The following PPP2R3A variants were observed in gnomAD, a reference collection of about 807,000 sequenced individuals.
PPP2R3A encodes the protein protein phosphatase 2 regulatory subunit B''alpha.
PPP2R3A carries 80 observed loss-of-function variants against 106.9 expected under a neutral mutation model. The observed-to-expected ratio is 0.75, with a 90% CI of 0.62 to 0.90. The LOEUF is 0.90. Among genes scored for constraint, PPP2R3A ranks in the 40% least tolerant of loss-of-function variants. The probability of loss-of-function intolerance (pLI) is 0.00; values close to 1 mark genes in which losing one functional copy is unlikely to be tolerated. For missense variants in PPP2R3A, 1,386 were observed against 1,350.4 expected (o/e 1.03, Z -0.41); for synonymous variants, 483 against 468.3 (o/e 1.03, Z -0.41).
chr3:136,068,110 C>T (rs1936317596), intron 5 of PPP2R3A, among the ~76,000 whole-genome samples: 1 of 152,026 alleles, frequency 6.6e-6, no homozygotes, highest in Non-Finnish European at 1.5e-5. Context: ...TCCAGCTACT[C>T]AGGGGGCTGA....
intron 8 of PPP2R3A, 130 bp downstream of exon 8, chr3:136,082,551 T>C (rs1936811163): frequency 2.1e-6 from 2 of 936,194 alleles, no homozygotes; most frequent in Non-Finnish European, 3.3e-6. Context: ...GCCAATAATT[T>C]TTAAGAGGGG....
intron 2 of PPP2R3A, among the ~76,000 whole-genome samples, chr3:136,025,074 A>C (rs983648589): frequency 2.0e-5 from 3 of 152,226 alleles, no homozygotes; most frequent in South Asian, 4.1e-4. Flanking sequence ...TGCTTCATCT[A>C]ATTTTTTGAG....
At chr3:135,981,242 T>C (rs547207632) in intron 1 of PPP2R3A, among the ~76,000 whole-genome samples, 57 of 151,866 alleles carry the variant, frequency 3.8e-4, no homozygotes, top group Non-Finnish European at 7.5e-4. Context: ...GTTTCTTGGT[T>C]TGTATGTTGG....
chr3:136,110,193 C>T (rs1937572792), intron 13 of PPP2R3A, among the ~76,000 whole-genome samples: 1 of 152,080 alleles, frequency 6.6e-6, no homozygotes, highest in African/African-American at 2.4e-5. Flanking sequence ...GCAGTCTGTT[C>T]TCAACTACTT....
chr3:136,067,925 C>T (rs1417159760), intron 5 of PPP2R3A, among the ~76,000 whole-genome samples: 1 of 152,186 alleles, frequency 6.6e-6, no homozygotes, highest in Non-Finnish European at 1.5e-5. Context: ...CATAAAAACA[C>T]AGGGGCATAT....
At chr3:136,034,772 T>C (rs759293047) in intron 3 of PPP2R3A, among the ~76,000 whole-genome samples, 15 of 152,222 alleles carry the variant, frequency 9.9e-5, no homozygotes, top group South Asian at 2.1e-4. Context: ...ATCCATTGTT[T>C]GTTTATTGAC....
At chr3:136,102,474 G>A (rs1049635260) in intron 11 of PPP2R3A, among the ~76,000 whole-genome samples, 8 of 150,864 alleles carry the variant, frequency 5.3e-5, no homozygotes, top group African/African-American at 2.0e-4. Flanking sequence ...AGCCTCCCAA[G>A]TAGCTGGGAC....
At chr3:136,068,000 A>AG (rs1242570260) in intron 5 of PPP2R3A, among the ~76,000 whole-genome samples, 1 of 152,100 alleles carries the variant, frequency 6.6e-6, no homozygotes, top group African/African-American at 2.4e-5. Flanking sequence ...GAAGGCAGGC[A>AG]GATCGCTTGA....
In PPP2R3A at chr3:136,132,431, T is replaced by A. The variant is rs531467111; in HGVS notation, c.3330-12612T>A. ...ATTAGCACAATCTCAGAATACAAGC[T>A]CAATACACAAAAATCAGTAGTACAG... On this transcript the variant is annotated intron_variant, in intron 13 of 13. Coordinates refer to ENST00000264977, the MANE Select transcript of PPP2R3A (RefSeq NM_002718.5). 3.3e-5 allele frequency among the ~76,000 whole-genome samples: 5 copies of A among 151,934 alleles called. No homozygotes were observed. In the South Asian group the frequency reaches 1.0e-3, roughly 32 times the overall value.
chr3:136,142,893 C>G (rs762811354), intron 13 of PPP2R3A, among the ~76,000 whole-genome samples: 22 of 152,194 alleles, frequency 1.4e-4, no homozygotes, highest in Non-Finnish European at 2.5e-4. Context: ...CCCATCCTGA[C>G]AAGAAATCAG....
Position 135,977,586 on chromosome 3 carries a change from G to A in PPP2R3A, c.-441+11737G>A, listed in dbSNP as rs192376108. Among the ~76,000 whole-genome samples the A allele has an allele frequency of 1.8e-3, 273 of 151,440 alleles. 3 individuals carry two copies. The highest frequency in any genetic ancestry group is 6.2e-3 in the African/African-American group (256 of 41,286). The stretch of plus-strand genomic sequence containing the variant: ...TAAAGATGGAGCATGTGTGCAACAC[G>A]TGTCAAAATATAAGTTAAAGAGCAT... On this transcript the variant is annotated intron_variant, in intron 1 of 13. Coordinates refer to ENST00000264977, the MANE Select transcript of PPP2R3A (RefSeq NM_002718.5).
intron 13 of PPP2R3A, among the ~76,000 whole-genome samples, chr3:136,117,815 C>T (rs1304211617): frequency 2.0e-5 from 3 of 152,118 alleles, no homozygotes; most frequent in Non-Finnish European, 4.4e-5. Flanking sequence ...GAGCTGGTAC[C>T]GTTCCTTCTG....
At chr3:136,020,252 T>C (rs1934419242) in intron 2 of PPP2R3A, among the ~76,000 whole-genome samples, 1 of 152,102 alleles carries the variant, frequency 6.6e-6, no homozygotes, top group Non-Finnish European at 1.5e-5. Flanking sequence ...TCATAAACTA[T>C]ATGTGTGTGT....
At chr3:136,064,568 G>A (rs1323824883) in intron 5 of PPP2R3A, among the ~76,000 whole-genome samples, 1 of 151,946 alleles carries the variant, frequency 6.6e-6, no homozygotes, top group Non-Finnish European at 1.5e-5. Flanking sequence ...AATGAAAATT[G>A]TTTCCATAAT....
intron 13 of PPP2R3A, among the ~76,000 whole-genome samples, chr3:136,120,600 T>G (rs1484097950): frequency 2.0e-5 from 3 of 151,532 alleles, no homozygotes; most frequent in African/African-American, 7.3e-5. Flanking sequence ...AAAAAAAAAG[T>G]GCTTCTGCAC....
In PPP2R3A at chr3:136,055,841, A is replaced by C. The variant is rs555313094; in HGVS notation, c.2469+6480A>C. 102 of 513,982 alleles carry C rather than the reference A, an allele frequency of 2.0e-4. 3 individuals carry two copies. In the South Asian group the frequency reaches 2.8e-3, roughly 14 times the overall value. 31.8% of individuals were successfully genotyped at this position (513,982 alleles called of 1,614,324 possible). A position where few individuals can be genotyped will look rare whatever the true frequency, so the allele number is the denominator to read the frequency against. The stretch of plus-strand genomic sequence containing the variant: ...AGAAACAAATCTATGCAGAATTGCA[A>C]ACAGTTTAGTAGACACTGCAGTCTT... On this transcript the variant is annotated intron_variant, in intron 5 of 13. Coordinates refer to ENST00000264977, the MANE Select transcript of PPP2R3A (RefSeq NM_002718.5).
intron 13 of PPP2R3A, among the ~76,000 whole-genome samples, chr3:136,120,878 A>C (rs1319508033): frequency 6.6e-6 from 1 of 152,324 alleles, no homozygotes; most frequent in Non-Finnish European, 1.5e-5. Context: ...CCACAATGAG[A>C]TACTATCTCA....
At chr3:136,070,881 G>A (rs140190221) in intron 6 of PPP2R3A, among the ~76,000 whole-genome samples, 7 of 152,322 alleles carry the variant, frequency 4.6e-5, no homozygotes, top group East Asian at 1.9e-4. Context: ...TCAACAGTCT[G>A]TCCCTGTCCC....
intron 2 of PPP2R3A, among the ~76,000 whole-genome samples, chr3:136,005,468 T>C: frequency 6.6e-6 from 1 of 152,346 alleles, no homozygotes; most frequent in Non-Finnish European, 1.5e-5. Context: ...AGTGATTATT[T>C]GGGTCTAAAT....
Sources: gnomAD v4.1 joint callset for allele counts (sites outside exome capture counted in the v4.1 genomes callset) on GRCh38, gnomAD v4.1.1 for gene constraint, MANE v1.5 for transcripts, NCBI Gene and HGNC (gene_info 2026-07-23, HGNC 2026-07-21) for gene names.